CLUAP1: variants seen among roughly 807,000 people sequenced by gnomAD.
The protein encoded by CLUAP1 is clusterin-associated protein 1.
A neutral mutation model predicts 55.0 loss-of-function variants in CLUAP1; 50 were observed. That is an observed-to-expected ratio of 0.91 (90% CI 0.72 to 1.15). CLUAP1 has a LOEUF of 1.15. Among genes scored for constraint, CLUAP1 ranks in the 50% most tolerant of loss-of-function variants. The pLI is 0.00. For synonymous variants in CLUAP1, 195 were observed against 175.4 expected, an observed-to-expected ratio of 1.11 and a Z score of -0.88; for missense variants, 530 against 507.6, an observed-to-expected ratio of 1.04 and a Z score of -0.42.
chr16:3,500,585 G>A (rs1259236671), upstream of CLUAP1, among the ~76,000 whole-genome samples: 3 of 152,138 alleles, frequency 2.0e-5, no homozygotes, highest in African/African-American at 7.2e-5. Context: ...TGGCCAGGCT[G>A]GTCTCGAACT....
chr16:3,513,231 A>T (rs1384244992), intron 5 of CLUAP1, among the ~76,000 whole-genome samples: 2 of 152,154 alleles, frequency 1.3e-5, no homozygotes, highest in African/African-American at 4.8e-5. Flanking sequence ...ATGGAATGTG[A>T]CCTGGGCATT....
chr16:3,524,259 G>A (rs1454392978), intron 8 of CLUAP1, among the ~76,000 whole-genome samples: 1 of 151,152 alleles, frequency 6.6e-6, no homozygotes, highest in Non-Finnish European at 1.5e-5. Context: ...CCATGATCAT[G>A]CCACTGCACT....
chr16:3,501,770 C>CA (rs1377529115), intron 1 of CLUAP1, among the ~76,000 whole-genome samples: 8 of 149,906 alleles, frequency 5.3e-5, no homozygotes, highest in African/African-American at 2.0e-4. Flanking sequence ...AACAACATCT[C>CA]AAAAAACAAA....
intron 5 of CLUAP1, 45 bp downstream of exon 5, chr16:3,512,523 A>C (rs1417276169): frequency 6.9e-7 from 1 of 1,453,936 alleles, no homozygotes; most frequent in Non-Finnish European, 9.6e-7. Context: ...TTTCTCTTCA[A>C]GGTTTTCTTT....
Position 3,501,496 on chromosome 16 carries a change from C to T in CLUAP1, c.22+407C>T, listed in dbSNP as rs143395333. On this transcript the variant is annotated intron_variant, in intron 1 of 11. Coordinates refer to ENST00000576634, the MANE Select transcript of CLUAP1 (RefSeq NM_015041.3). Reference sequence around the variant, plus strand: ...TTAGCTTAGCGCTTAGAAAACCGAACAGCAGGCCGGGCGCGGTGGCTCACG... The same window carrying T: ...TTAGCTTAGCGCTTAGAAAACCGAATAGCAGGCCGGGCGCGGTGGCTCACG... Among the ~76,000 whole-genome samples, 1,021 of 152,300 alleles carry T rather than the reference C, an allele frequency of 6.7e-3. 8 individuals carry two copies. The highest frequency in any genetic ancestry group is 0.022 in the African/African-American group (927 of 41,590).
the CLUAP1 span, among the ~76,000 whole-genome samples, chr16:3,495,656 C>T: frequency 6.6e-6 from 1 of 152,228 alleles, no homozygotes; most frequent in Non-Finnish European, 1.5e-5. Context: ...AGTCCCTGGT[C>T]CCTCTGGCTG....
chr16:3,500,857 C>G (rs868645892), upstream of CLUAP1: 20 of 588,806 alleles, frequency 3.4e-5, no homozygotes, highest in African/African-American at 3.2e-4. Flanking sequence ...TCGCCACGCC[C>G]TCTGCCCTCG....
At chr16:3,523,126 C>G (rs762814741) in intron 7 of CLUAP1, 32 bp from the exon 8 acceptor site, 2 of 1,580,724 alleles carry the variant, frequency 1.3e-6, no homozygotes, top group Middle Eastern at 3.5e-4. Context: ...ATATAATTCA[C>G]CTTTCCTTTT....
chr16:3,520,492 C>A (rs1345889501), intron 7 of CLUAP1, among the ~76,000 whole-genome samples: 4 of 152,176 alleles, frequency 2.6e-5, no homozygotes, highest in Non-Finnish European at 5.9e-5. Context: ...ATCTTCACCT[C>A]AAATGTACAT....
chr16:3,498,685 C>G (rs2037337426), upstream of CLUAP1, among the ~76,000 whole-genome samples: 1 of 151,956 alleles, frequency 6.6e-6, no homozygotes, highest in South Asian at 2.1e-4. Flanking sequence ...CGGTGAAAGC[C>G]CGTCTCTACT....
intron 5 of CLUAP1, among the ~76,000 whole-genome samples, chr16:3,513,912 A>G (rs2037682168): frequency 6.6e-6 from 1 of 152,234 alleles, no homozygotes; most frequent in Non-Finnish European, 1.5e-5. Flanking sequence ...GTGTTCTGGC[A>G]TACCCTGGGA....
chr16:3,506,539 C>T, intron 3 of CLUAP1, 124 bp downstream of exon 3: 1 of 756,354 alleles, frequency 1.3e-6, no homozygotes, highest in East Asian at 2.7e-5. Flanking sequence ...GATGGAGTCT[C>T]ATTCTCTCGC....
At chr16:3,496,424 G>A, upstream of CLUAP1, 1 of 1,075,484 alleles carries the variant, frequency 9.3e-7, no homozygotes, top group South Asian at 1.2e-5. Context: ...GAAGCTTCCT[G>A]GCTGGGAAAA....
At chr16:3,532,736 C>T in intron 10 of CLUAP1, 50 bp from the exon 11 acceptor site, 1 of 1,590,120 alleles carries the variant, frequency 6.3e-7, no homozygotes, top group Non-Finnish European at 8.6e-7. Flanking sequence ...CTATTTCCTG[C>T]TTTATTTTCC....
At chr16:3,497,283 A>T (rs1182365949), upstream of CLUAP1, among the ~76,000 whole-genome samples, 1 of 152,210 alleles carries the variant, frequency 6.6e-6, no homozygotes, top group East Asian at 1.9e-4. Flanking sequence ...TCAAGTCATA[A>T]AATCACCACA....
intron 5 of CLUAP1, among the ~76,000 whole-genome samples, chr16:3,513,631 G>T (rs932503724): frequency 2.0e-5 from 3 of 151,996 alleles, no homozygotes; most frequent in Non-Finnish European, 4.4e-5. Flanking sequence ...TGTATTTTTA[G>T]TAGAGATGGG....
intron 9 of CLUAP1, among the ~76,000 whole-genome samples, chr16:3,527,116 G>A (rs1252406654): frequency 2.6e-5 from 4 of 152,142 alleles, no homozygotes; most frequent in Non-Finnish European, 5.9e-5. Context: ...TGTGTGGGCG[G>A]CAAGCCGCCC....
intron 1 of CLUAP1, among the ~76,000 whole-genome samples, chr16:3,501,740 A>C (rs1269964199): frequency 6.6e-6 from 1 of 152,124 alleles, no homozygotes; most frequent in African/African-American, 2.4e-5. Flanking sequence ...ATTGCACTCC[A>C]GCCTAGGCAA....
chr16:3,501,448 T>C (rs77313519), intron 1 of CLUAP1, among the ~76,000 whole-genome samples: 2,675 of 152,332 alleles, frequency 0.018, 89 homozygotes, highest in African/African-American at 0.057. Flanking sequence ...ATGGAGAGTT[T>C]AGAGACTATT....
Sources: allele counts gnomAD v4.1 joint callset (sites outside exome capture counted in the v4.1 genomes callset), GRCh38; gene constraint gnomAD v4.1.1; transcripts MANE v1.5; gene names NCBI Gene and HGNC (gene_info 2026-07-23, HGNC 2026-07-21).